Variants in KANK1 observed in about 807,000 individuals in gnomAD.
KANK1 encodes KN motif and ankyrin repeat domain-containing protein 1.
A neutral mutation model predicts 106.2 loss-of-function variants in KANK1; 109 were observed. That is an observed-to-expected ratio of 1.03 (90% CI 0.88 to 1.20). KANK1 has a LOEUF of 1.20. KANK1 is among the 50% of genes most tolerant of loss of function. The pLI, the probability that KANK1 is intolerant of heterozygous loss-of-function variation, is 0.00. For missense variants in KANK1, 2,399 were observed against 1,710.7 expected (o/e 1.40, Z -7.10); for synonymous variants, 873 against 652.2 (o/e 1.34, Z -5.16).
chr9:516,643 G>A (rs770218195), intron 1 of KANK1, among the ~76,000 whole-genome samples: 12 of 151,588 alleles, frequency 7.9e-5, no homozygotes, highest in African/African-American at 2.4e-4. Context: ...GTGCAGTGCA[G>A]AGACACTGGC....
intron 1 of KANK1, among the ~76,000 whole-genome samples, chr9:585,529 A>G (rs1263998417): frequency 6.6e-6 from 1 of 152,224 alleles, no homozygotes; most frequent in Non-Finnish European, 1.5e-5. Context: ...AAGCATTGAC[A>G]GAACCGATCC....
intron 1 of KANK1, among the ~76,000 whole-genome samples, chr9:620,324 C>T (rs1007332906): frequency 6.6e-6 from 1 of 152,134 alleles, no homozygotes; most frequent in Non-Finnish European, 1.5e-5. Context: ...ACGATCTGCC[C>T]CCTAAATAAA....
Position 712,758 on chromosome 9 carries a change from A to G in KANK1, c.1992A>G (p.Ala664=). The G allele has an allele frequency of 6.2e-7, 1 of 1,613,904 alleles. No homozygotes were observed. The highest frequency in any genetic ancestry group is 1.3e-5 in the African/African-American group (1 of 75,052). Reference sequence around the variant, plus strand: ...GCCAGGTGGAAGCTGCCGTCATGGCAGTGCCTCGTACTGCAGACCAGGACA... The same window carrying G: ...GCCAGGTGGAAGCTGCCGTCATGGCGGTGCCTCGTACTGCAGACCAGGACA... ...AVSQVEAAVM[A]VPRTADQDTS... Residue 664 remains alanine, a synonymous_variant, in exon 3 of 12, where the codon GCA becomes GCG. Transcript: ENST00000382297.
At chr9:686,178 G>T (rs921494270) in intron 2 of KANK1, among the ~76,000 whole-genome samples, 1 of 152,100 alleles carries the variant, frequency 6.6e-6, no homozygotes, top group Non-Finnish European at 1.5e-5. Flanking sequence ...CTCTTCCTCT[G>T]TTCTCAGTAT....
chr9:718,953 CTTTT>C (rs35097931), intron 3 of KANK1, among the ~76,000 whole-genome samples: 1 of 78,280 alleles, frequency 1.3e-5, no homozygotes, highest in Non-Finnish European at 2.3e-5. Context: ...TGCTCGAGCC[CTTTT>C]TTTTTTTTTT....
chr9:542,996 T>C (rs1210335950), intron 1 of KANK1, among the ~76,000 whole-genome samples: 1 of 152,190 alleles, frequency 6.6e-6, no homozygotes, highest in Non-Finnish European at 1.5e-5. Flanking sequence ...AGTTAATGTA[T>C]ACTTGGAAAT....
intron 1 of KANK1, among the ~76,000 whole-genome samples, chr9:606,058 C>G (rs992672542): frequency 6.6e-6 from 1 of 150,902 alleles, no homozygotes; most frequent in Non-Finnish European, 1.5e-5. Context: ...TTAAGATGAT[C>G]ATGTCTTCCC....
chr9:541,021 T>G (rs931157717), intron 1 of KANK1, among the ~76,000 whole-genome samples: 1 of 152,098 alleles, frequency 6.6e-6, no homozygotes, highest in Non-Finnish European at 1.5e-5. Context: ...TAAAGTTAAG[T>G]GTATTTGAGC....
Position 618,029 on chromosome 9 carries a change from A to G in KANK1, c.-83-58861A>G, listed in dbSNP as rs56224343. On this transcript the variant is annotated intron_variant, in intron 1 of 11. Transcript: ENST00000382297. ...CAGTTTGGCCTACCTGCCTCCTAAT[A>G]TAATTTACCCTGCACACAAGGCAGT... Among the ~76,000 whole-genome samples, 998 of 152,252 alleles carry G rather than the reference A, an allele frequency of 6.6e-3. 17 individuals carry two copies. The highest frequency in any genetic ancestry group is 0.023 in the African/African-American group (945 of 41,532).
At chr9:627,156 C>G (rs542441539) in intron 1 of KANK1, among the ~76,000 whole-genome samples, 16 of 152,220 alleles carry the variant, frequency 1.1e-4, no homozygotes, top group Middle Eastern at 3.4e-3. Flanking sequence ...ATGTAAGATA[C>G]AGATTGTGCC....
chr9:696,232 C>T (rs189593161), intron 2 of KANK1, among the ~76,000 whole-genome samples: 23 of 150,858 alleles, frequency 1.5e-4, no homozygotes, highest in Middle Eastern at 6.8e-3. Context: ...TGCAGGGAGC[C>T]GAGATCACGC....
intron 1 of KANK1, among the ~76,000 whole-genome samples, chr9:676,241 A>T (rs925666798): frequency 6.6e-6 from 1 of 152,162 alleles, no homozygotes; most frequent in Non-Finnish European, 1.5e-5. Flanking sequence ...GCCTTATTTT[A>T]TCTAGCCCCT....
intron 1 of KANK1, among the ~76,000 whole-genome samples, chr9:651,761 G>A (rs1840927176): frequency 6.6e-6 from 1 of 152,120 alleles, no homozygotes; most frequent in Non-Finnish European, 1.5e-5. Context: ...TTAGACTTGT[G>A]GATGAGAGAA....
At chr9:651,064 A>G (rs1041813227) in intron 1 of KANK1, among the ~76,000 whole-genome samples, 4 of 152,182 alleles carry the variant, frequency 2.6e-5, no homozygotes, top group Non-Finnish European at 4.4e-5. Flanking sequence ...AACCTCTGCT[A>G]TTTCACAAAA....
At chr9:545,347 A>T (rs1587684825) in intron 1 of KANK1, among the ~76,000 whole-genome samples, 1 of 152,176 alleles carries the variant, frequency 6.6e-6, no homozygotes, top group East Asian at 1.9e-4. Flanking sequence ...TGAAGGGGAA[A>T]TGTGAGCTTG....
intron 1 of KANK1, among the ~76,000 whole-genome samples, chr9:556,335 G>A (rs922279884): frequency 6.6e-6 from 1 of 152,180 alleles, no homozygotes. Flanking sequence ...TTCAATGTGA[G>A]TTTAGTGATT....
chr9:661,343 C>T (rs1843269346), intron 1 of KANK1, among the ~76,000 whole-genome samples: 1 of 151,434 alleles, frequency 6.6e-6, no homozygotes, highest in South Asian at 2.1e-4. Flanking sequence ...GCTCATTGTT[C>T]AGTTCCCACC....
intron 2 of KANK1, among the ~76,000 whole-genome samples, chr9:691,611 A>AT (rs767618077): frequency 0.026 from 1,869 of 71,064 alleles, 53 homozygotes; most frequent in Non-Finnish European, 0.042. Context: ...TAATACCAGA[A>AT]TTTTTTTTTT....
At chr9:586,387 A>G (rs565583919) in intron 1 of KANK1, among the ~76,000 whole-genome samples, 1 of 152,336 alleles carries the variant, frequency 6.6e-6, no homozygotes, top group Non-Finnish European at 1.5e-5. Flanking sequence ...GGTCCAAGTT[A>G]GAGGCTCTTG....
Sources: allele counts gnomAD v4.1 joint callset (sites outside exome capture counted in the v4.1 genomes callset), GRCh38; gene constraint gnomAD v4.1.1; transcripts MANE v1.5; gene names NCBI Gene and HGNC (gene_info 2026-07-23, HGNC 2026-07-21).